The following IGFL2 variants were observed in gnomAD, a reference collection of about 807,000 sequenced individuals.
The protein encoded by IGFL2 is IGF like family member 2, also known as insulin growth factor-like family member 2.
In IGFL2, 7 loss-of-function variants were observed where a neutral mutation model predicts 13.9. That is an observed-to-expected ratio of 0.51 (90% confidence interval 0.29 to 0.95). IGFL2 has a LOEUF of 0.95. IGFL2 is among the 40% of genes least tolerant of loss of function. The pLI, the probability that IGFL2 is intolerant of heterozygous loss-of-function variation, is 0.08. For missense variants in IGFL2, 138 were observed against 147.8 expected, an observed-to-expected ratio of 0.93 and a Z score of 0.34; for synonymous variants, 55 against 55.8, an observed-to-expected ratio of 0.99 and a Z score of 0.07.
At chr19:46,171,575 A>G in the IGFL2 span, among the ~76,000 whole-genome samples, 1 of 152,168 alleles carries the variant, frequency 6.6e-6, no homozygotes, top group South Asian at 2.1e-4. Context: ...TCTGAGTACA[A>G]TTTACAACTG....
intron 1 of IGFL2, among the ~76,000 whole-genome samples, chr19:46,153,539 T>G (rs1321634200): frequency 6.6e-6 from 1 of 152,158 alleles, no homozygotes; most frequent in South Asian, 2.1e-4. Context: ...TCTTTATTTT[T>G]CCCAGCAATA....
chr19:46,102,502 A>G, the IGFL2 span, among the ~76,000 whole-genome samples: 1 of 152,194 alleles, frequency 6.6e-6, no homozygotes, highest in Admixed American at 6.5e-5. Context: ...GTATAGTACA[A>G]AGTACATTCA....
At chr19:46,124,450 A>T in the IGFL2 span, 1 of 1,171,552 alleles carries the variant, frequency 8.5e-7, no homozygotes, top group Non-Finnish European at 1.3e-6. Context: ...CTAAGTCTGT[A>T]TGGGATCCCG....
At chr19:46,193,102 G>C in the IGFL2 span, among the ~76,000 whole-genome samples, 4 of 152,140 alleles carry the variant, frequency 2.6e-5, no homozygotes, top group Admixed American at 2.6e-4. Flanking sequence ...TGAGGCAGGA[G>C]AATCACTTGA....
chr19:46,162,468 T>G (rs116459125), downstream of IGFL2, among the ~76,000 whole-genome samples: 465 of 152,346 alleles, frequency 3.1e-3, 4 homozygotes, highest in African/African-American at 0.011. Flanking sequence ...ATCCCATACT[T>G]CTTGGAGGTT....
the IGFL2 span, among the ~76,000 whole-genome samples, chr19:46,115,897 C>T: frequency 1.3e-5 from 2 of 152,162 alleles, no homozygotes; most frequent in Non-Finnish European, 2.9e-5. Context: ...GTCCCCAGTT[C>T]TGCCCATCTC....
chr19:46,169,230 G>A, the IGFL2 span, among the ~76,000 whole-genome samples: 1 of 152,074 alleles, frequency 6.6e-6, no homozygotes, highest in African/African-American at 2.4e-5. Context: ...AATTAAAAAT[G>A]TTTTCAGAAA....
At chr19:46,098,108 G>A in the IGFL2 span, among the ~76,000 whole-genome samples, 1 of 152,210 alleles carries the variant, frequency 6.6e-6, no homozygotes, top group East Asian at 1.9e-4. Flanking sequence ...GGGTGTTAAA[G>A]TCTCCCGCTA....
At chr19:46,180,563 ATG>A in the IGFL2 span, 3 of 152,192 alleles carry the variant, frequency 2.0e-5, no homozygotes, top group African/African-American at 7.2e-5. Context: ...AATAGGATAT[ATG>A]TATATATGAA....
At chr19:46,105,800 C>G in the IGFL2 span, among the ~76,000 whole-genome samples, 1 of 152,116 alleles carries the variant, frequency 6.6e-6, no homozygotes, top group Non-Finnish European at 1.5e-5. Flanking sequence ...TAGTCTAAAA[C>G]AGTAAGGTCA....
At chr19:46,102,555 G>A in the IGFL2 span, among the ~76,000 whole-genome samples, 1 of 152,144 alleles carries the variant, frequency 6.6e-6, no homozygotes, top group Non-Finnish European at 1.5e-5. Context: ...TGCGAGGGCG[G>A]GGAGGGTGTA....
chr19:46,128,883 CCTT>C, the IGFL2 span, among the ~76,000 whole-genome samples: 1 of 152,166 alleles, frequency 6.6e-6, no homozygotes, highest in Non-Finnish European at 1.5e-5. Context: ...AGGAGTCCCT[CCTT>C]CTCAATTTTT....
chr19:46,096,676 T>C, the IGFL2 span, among the ~76,000 whole-genome samples: 5 of 152,192 alleles, frequency 3.3e-5, no homozygotes, highest in African/African-American at 1.2e-4. Flanking sequence ...TGGCTCTTAT[T>C]TTGAGCTATG....
the IGFL2 span, among the ~76,000 whole-genome samples, chr19:46,180,340 G>A: frequency 4.6e-5 from 7 of 151,740 alleles, no homozygotes; most frequent in Non-Finnish European, 1.0e-4. Context: ...CACTATACTC[G>A]GCTAATTTTT....
chr19:46,192,837 T>C, the IGFL2 span, among the ~76,000 whole-genome samples: 1 of 152,310 alleles, frequency 6.6e-6, no homozygotes, highest in South Asian at 2.1e-4. Flanking sequence ...TTATCTCCAC[T>C]TTCACTTTGG....
chr19:46,104,547 C>T, the IGFL2 span, among the ~76,000 whole-genome samples: 1 of 152,146 alleles, frequency 6.6e-6, no homozygotes, highest in African/African-American at 2.4e-5. Flanking sequence ...CTTCTCAGAT[C>T]CTGTGGGAAA....
chr19:46,160,157 C>A, intron 1 of IGFL2: 1 of 507,758 alleles, frequency 2.0e-6, no homozygotes, highest in Non-Finnish European at 3.6e-6. Context: ...TAAACTTCAG[C>A]ATATTCTTAG....
the IGFL2 span, among the ~76,000 whole-genome samples, chr19:46,131,279 G>A: frequency 6.6e-6 from 1 of 152,118 alleles, no homozygotes; most frequent in Admixed American, 6.5e-5. Context: ...TTTCTAGGTA[G>A]TGTCTGGTTC....
chr19:46,126,288 G>A, the IGFL2 span, among the ~76,000 whole-genome samples: 1 of 152,166 alleles, frequency 6.6e-6, no homozygotes, highest in Non-Finnish European at 1.5e-5. Context: ...ACCCCAGATT[G>A]GTTCCTGTGC....
Sources: gnomAD v4.1 joint callset for allele counts (sites outside exome capture counted in the v4.1 genomes callset) on GRCh38, gnomAD v4.1.1 for gene constraint, MANE v1.5 for transcripts, NCBI Gene and HGNC (gene_info 2026-07-23, HGNC 2026-07-21) for gene names.